Variants in SLC39A11 observed in about 807,000 individuals in gnomAD.
The protein encoded by SLC39A11 is zinc transporter ZIP11.
In SLC39A11, 33 loss-of-function variants were observed where a neutral mutation model predicts 36.1. The ratio of observed to expected loss-of-function variants is 0.91; its 90% CI spans 0.69 to 1.22. The LOEUF is 1.22. SLC39A11 is among the 50% of genes most tolerant of loss of function. The probability of loss-of-function intolerance (pLI) is 0.00; values close to 1 mark genes in which losing one functional copy is unlikely to be tolerated. For synonymous variants in SLC39A11, 166 were observed against 170.3 expected (o/e 0.97, Z 0.20); for missense variants, 432 against 430.3 (o/e 1.00, Z -0.03).
chr17:72,922,454 C>T (rs952160614), intron 5 of SLC39A11, among the ~76,000 whole-genome samples: 7 of 152,294 alleles, frequency 4.6e-5, no homozygotes, highest in South Asian at 2.1e-4. Flanking sequence ...AAAGGATTGA[C>T]GAAAGCAGGT....
chr17:72,860,028 AG>A (rs1456484967), intron 5 of SLC39A11, among the ~76,000 whole-genome samples: 2 of 92,776 alleles, frequency 2.2e-5, no homozygotes. Context: ...AGGGGAGGGG[AG>A]GGGAGGGGAG....
chr17:72,824,064 A>G lies in SLC39A11; in HGVS notation c.601+25570T>C, dbSNP rs548111272. Among the ~76,000 whole-genome samples, 2 of 151,368 alleles carry G rather than the reference A, an allele frequency of 1.3e-5. 1 individual carries two copies. Among genetic ancestry groups the G allele is most frequent in the South Asian group, 4.2e-4 (2 of 4,770 alleles). On this transcript the variant is annotated intron_variant, in intron 6 of 9. Transcript: ENST00000255559. ...AAAAACATAAAATTCCCTTTTATAC[A>G]TAAACCAGTGATATGGTTTGGATTT...
rs1211155058 is a variant in SLC39A11 at position 72,780,237 on chromosome 17, CAA to C, written c.602-43520_602-43519del. 3.9e-5 allele frequency among the ~76,000 whole-genome samples: 6 copies of C among 152,304 alleles called. No individual in the cohort carries two copies. The East Asian group carries it at 1.2e-3, about 29-fold the overall frequency. ...AGGAGAAACTGAGCTAGCTGAAGGGCAAGAGCTGGATCAACAAGGCCTTCTCT... is the reference window on the plus strand; with the variant it reads ...AGGAGAAACTGAGCTAGCTGAAGGGCGAGCTGGATCAACAAGGCCTTCTCT... On this transcript the variant is annotated intron_variant, in intron 6 of 9. Coordinates refer to ENST00000255559, the MANE Select transcript of SLC39A11 (RefSeq NM_139177.4).
chr17:72,954,609 G>C (rs1027426038), intron 4 of SLC39A11, among the ~76,000 whole-genome samples: 1 of 152,212 alleles, frequency 6.6e-6, no homozygotes, highest in Non-Finnish European at 1.5e-5. Flanking sequence ...TTCAATAATT[G>C]ATGCTGTTTT....
chr17:72,660,575 T>C (rs972028080), intron 7 of SLC39A11, among the ~76,000 whole-genome samples: 4 of 152,010 alleles, frequency 2.6e-5, no homozygotes, highest in African/African-American at 9.7e-5. Context: ...TCGAACCATA[T>C]GGAGATAGGG....
chr17:72,743,416 G>C (rs938685058), intron 6 of SLC39A11, among the ~76,000 whole-genome samples: 4 of 152,174 alleles, frequency 2.6e-5, no homozygotes, highest in African/African-American at 7.2e-5. Flanking sequence ...AGTAGCAGGG[G>C]ACAAAAGTTC....
At chr17:72,799,640 C>T (rs1368690453) in intron 6 of SLC39A11, among the ~76,000 whole-genome samples, 2 of 152,090 alleles carry the variant, frequency 1.3e-5, no homozygotes, top group African/African-American at 4.8e-5. Flanking sequence ...GACTGAGATA[C>T]GCCCTGGTCT....
chr17:72,853,620 T>A (rs75571621), intron 5 of SLC39A11, among the ~76,000 whole-genome samples: 1 of 152,018 alleles, frequency 6.6e-6, no homozygotes, highest in East Asian at 1.9e-4. Context: ...AGGCTTCCAA[T>A]GTGTGAAAAC....
At chr17:72,718,817 C>T (rs114796189) in intron 7 of SLC39A11, among the ~76,000 whole-genome samples, 438 of 152,214 alleles carry the variant, frequency 2.9e-3, no homozygotes, top group African/African-American at 9.6e-3. Context: ...GAAGTTTATT[C>T]GTGGGCTTCT....
At chr17:72,890,196 C>T (rs2081651422) in intron 5 of SLC39A11, among the ~76,000 whole-genome samples, 1 of 151,276 alleles carries the variant, frequency 6.6e-6, no homozygotes, top group South Asian at 2.1e-4. Context: ...ACCCAGGAGG[C>T]AGAGGTTACA....
At chr17:72,788,304 C>A (rs1449111971) in intron 6 of SLC39A11, among the ~76,000 whole-genome samples, 4 of 152,208 alleles carry the variant, frequency 2.6e-5, no homozygotes, top group African/African-American at 7.2e-5. Context: ...CACTGCCTGT[C>A]CCAGCTGGGT....
intron 5 of SLC39A11, among the ~76,000 whole-genome samples, chr17:72,919,602 G>C (rs1205882989): frequency 6.6e-6 from 1 of 151,190 alleles, no homozygotes; most frequent in East Asian, 1.9e-4. Context: ...AACCCGGGAG[G>C]TGGAGCTTGC....
chr17:72,779,697 C>T (rs970160993), intron 6 of SLC39A11, among the ~76,000 whole-genome samples: 2 of 152,140 alleles, frequency 1.3e-5, no homozygotes, highest in Non-Finnish European at 2.9e-5. Flanking sequence ...GAAATTCACA[C>T]CTTCTGGTCT....
At chr17:72,791,282 C>A (rs1348858114) in intron 6 of SLC39A11, among the ~76,000 whole-genome samples, 1 of 152,160 alleles carries the variant, frequency 6.6e-6, no homozygotes, top group African/African-American at 2.4e-5. Flanking sequence ...TGGTAAAACC[C>A]TGTCTCTACA....
intron 4 of SLC39A11, 89 bp from the exon 5 acceptor site, chr17:72,947,964 C>T (rs2085542041): frequency 6.6e-7 from 1 of 1,526,414 alleles, no homozygotes; most frequent in Non-Finnish European, 8.9e-7. Flanking sequence ...AGGCAACTTG[C>T]CAGTCTCTAC....
At chr17:72,857,561 T>C (rs1276372111) in intron 5 of SLC39A11, among the ~76,000 whole-genome samples, 1 of 152,218 alleles carries the variant, frequency 6.6e-6, no homozygotes, top group Non-Finnish European at 1.5e-5. Context: ...ACTGCCACAG[T>C]GCTTTAGTTC....
intron 5 of SLC39A11, among the ~76,000 whole-genome samples, chr17:72,852,479 T>C (rs1004213280): frequency 2.6e-5 from 4 of 152,064 alleles, no homozygotes; most frequent in Admixed American, 6.6e-5. Flanking sequence ...AATTCAGCTG[T>C]CTCAATTGGA....
At chr17:72,854,322 G>A (rs1044711595) in intron 5 of SLC39A11, among the ~76,000 whole-genome samples, 1 of 151,208 alleles carries the variant, frequency 6.6e-6, no homozygotes, top group Non-Finnish European at 1.5e-5. Context: ...GGGGGGTGGG[G>A]TGGGGGTGGA....
Position 73,066,278 on chromosome 17 carries a change from A to G in SLC39A11, c.147+18530T>C, listed in dbSNP as rs1384886839. Reference sequence around the variant, plus strand: ...CCTGAGTGAGGCCCTTATACTCTCCAGTCTAGTGGAACTGCCAAATGACCG... The same window carrying G: ...CCTGAGTGAGGCCCTTATACTCTCCGGTCTAGTGGAACTGCCAAATGACCG... On this transcript the variant is annotated intron_variant, in intron 3 of 9. Transcript: ENST00000255559. Among the ~76,000 whole-genome samples, 3 of 152,174 alleles carry G rather than the reference A, an allele frequency of 2.0e-5. No individual in the cohort carries two copies. In the East Asian group the frequency reaches 5.8e-4, roughly 29 times the overall value.
Sources: gnomAD v4.1 joint callset for allele counts (sites outside exome capture counted in the v4.1 genomes callset) on GRCh38, gnomAD v4.1.1 for gene constraint, MANE v1.5 for transcripts, NCBI Gene and HGNC (gene_info 2026-07-23, HGNC 2026-07-21) for gene names.